The following LUZP2 variants were observed in gnomAD, a reference collection of about 807,000 sequenced individuals.
The protein encoded by LUZP2 is leucine zipper protein 2.
A neutral mutation model predicts 51.6 loss-of-function variants in LUZP2; 52 were observed. The observed-to-expected ratio is 1.01, with a 90% CI of 0.81 to 1.27. The LOEUF (loss-of-function observed/expected upper bound fraction) is 1.27, where lower values mean the gene tolerates loss of function less well. Among genes scored for constraint, LUZP2 ranks in the 50% most tolerant of loss-of-function variants. LUZP2 has a pLI of 0.00. For missense variants in LUZP2, 436 were observed against 395.4 expected (o/e 1.10, Z -0.87); for synonymous variants, 154 against 137.3 (o/e 1.12, Z -0.85).
intron 10 of LUZP2, among the ~76,000 whole-genome samples, chr11:25,054,158 G>A (rs1858609019): frequency 1.3e-5 from 2 of 152,148 alleles, no homozygotes; most frequent in Non-Finnish European, 2.9e-5. Flanking sequence ...TGGGGTGGTA[G>A]TTTTTCTGTA....
chr11:24,677,242 C>CTT, intron 1 of LUZP2, among the ~76,000 whole-genome samples: 1 of 152,124 alleles, frequency 6.6e-6, no homozygotes, highest in South Asian at 2.1e-4. Context: ...CACTTATAAT[C>CTT]CATCAAAATC....
At chr11:24,758,710 T>G (rs750947283) in intron 4 of LUZP2, among the ~76,000 whole-genome samples, 3 of 152,060 alleles carry the variant, frequency 2.0e-5, no homozygotes, top group Non-Finnish European at 4.4e-5. Context: ...ATTTTAGATT[T>G]AAGAGCAGAT....
intron 7 of LUZP2, among the ~76,000 whole-genome samples, chr11:24,926,501 A>ATGTGTGTGTATATACGTGTATATG (rs1854269305): frequency 7.4e-6 from 1 of 135,644 alleles, no homozygotes; most frequent in African/African-American, 2.8e-5. Flanking sequence ...ATGTGTATAT[A>ATGTGTGTGTATATACGTGTATATG]TGTGTGTGTA....
intron 7 of LUZP2, among the ~76,000 whole-genome samples, chr11:24,937,762 G>T (rs531482310): frequency 3.3e-5 from 5 of 152,140 alleles, no homozygotes; most frequent in Admixed American, 1.3e-4. Flanking sequence ...TTAGCCGGGC[G>T]TGGTGGCGGG....
rs78297047 is a variant in LUZP2, at chr11:24,542,232, C to A, written c.62+44927C>A. Among the ~76,000 whole-genome samples, 391 of 151,958 alleles carry A rather than the reference C, an allele frequency of 2.6e-3. 1 individual carries two copies. Among genetic ancestry groups the A allele is most frequent in the African/African-American group, 9.0e-3 (375 of 41,474 alleles). ...AGGAACTACAGTATTACTATCCTCA[C>A]CCCCCCATACACAAACCACGTGTTC... On this transcript the variant is annotated intron_variant, in intron 1 of 11. Coordinates refer to ENST00000336930, the MANE Select transcript of LUZP2 (RefSeq NM_001009909.4).
intron 9 of LUZP2, among the ~76,000 whole-genome samples, chr11:25,046,374 A>G (rs1175393832): frequency 6.6e-6 from 1 of 152,132 alleles, no homozygotes; most frequent in Non-Finnish European, 1.5e-5. Context: ...GCGGATGCAT[A>G]ATAAATATTT....
chr11:24,952,223 T>G (rs1414782852), intron 7 of LUZP2, among the ~76,000 whole-genome samples: 2 of 151,712 alleles, frequency 1.3e-5, no homozygotes, highest in Non-Finnish European at 1.5e-5. Flanking sequence ...ACCATCTATG[T>G]ATCGTGATCA....
At chr11:24,547,843 A>G (rs11028002) in intron 1 of LUZP2, among the ~76,000 whole-genome samples, 63,665 of 151,854 alleles carry the variant, frequency 0.42, 13,852 homozygotes, top group African/African-American at 0.51. Context: ...ATTCAGAATC[A>G]AAAGTAACTT....
intron 1 of LUZP2, among the ~76,000 whole-genome samples, chr11:24,522,421 G>T (rs139157099): frequency 1.2e-4 from 18 of 151,926 alleles, no homozygotes; most frequent in Admixed American, 9.2e-4. Context: ...GCAATGCAAA[G>T]ATATGAATAT....
intron 1 of LUZP2, among the ~76,000 whole-genome samples, chr11:24,511,179 A>G (rs1452599295): frequency 6.6e-6 from 1 of 152,114 alleles, no homozygotes; most frequent in Non-Finnish European, 1.5e-5. Flanking sequence ...CTGCTATGTA[A>G]GTTGATTCAG....
At chr11:24,851,576 TTTG>T (rs1311590053) in intron 5 of LUZP2, among the ~76,000 whole-genome samples, 1 of 152,112 alleles carries the variant, frequency 6.6e-6, no homozygotes, top group Non-Finnish European at 1.5e-5. Context: ...TTGTTTTTCT[TTTG>T]TTGTTGTTGT....
chr11:24,540,250 G>A (rs953308964), intron 1 of LUZP2, among the ~76,000 whole-genome samples: 1 of 152,068 alleles, frequency 6.6e-6, no homozygotes, highest in East Asian at 1.9e-4. Context: ...AAGTAGGGGA[G>A]TGAAGTGTTA....
chr11:24,513,811 T>A (rs1468005087), intron 1 of LUZP2, among the ~76,000 whole-genome samples: 1 of 152,198 alleles, frequency 6.6e-6, no homozygotes, highest in Non-Finnish European at 1.5e-5. Flanking sequence ...ACCTTTTGTC[T>A]CTCTTTGACC....
At chr11:24,901,065 A>G (rs965533041) in intron 5 of LUZP2, among the ~76,000 whole-genome samples, 1 of 152,140 alleles carries the variant, frequency 6.6e-6, no homozygotes, top group African/African-American at 2.4e-5. Context: ...CCAGATAAAA[A>G]CAAAACAGAA....
intron 6 of LUZP2, among the ~76,000 whole-genome samples, chr11:24,906,355 C>A (rs1351015657): frequency 1.3e-5 from 2 of 151,406 alleles, no homozygotes; most frequent in East Asian, 3.9e-4. Flanking sequence ...TACTGGGAGT[C>A]CATAAAATTT....
intron 10 of LUZP2, among the ~76,000 whole-genome samples, chr11:25,059,017 T>A (rs10437617): frequency 6.6e-6 from 1 of 152,012 alleles, no homozygotes; most frequent in Non-Finnish European, 1.5e-5. Context: ...TTATAAAAAT[T>A]TTGCTTGTTT....
rs1222853999 is a variant in LUZP2 at position 25,018,576 on chromosome 11, A to T, written c.766-31462A>T. On this transcript the variant is annotated intron_variant, in intron 9 of 11. Coordinates refer to ENST00000336930, the MANE Select transcript of LUZP2 (RefSeq NM_001009909.4). Reference sequence around the variant, plus strand: ...ACTTTTAGTCTTTGAGCTATAATATAATACTATCATTATTAATTCCTTTTT... The same window carrying T: ...ACTTTTAGTCTTTGAGCTATAATATTATACTATCATTATTAATTCCTTTTT... Among the ~76,000 whole-genome samples the T allele has an allele frequency of 2.0e-5, 3 of 150,656 alleles. No individual in the cohort carries two copies. In the East Asian group the frequency reaches 5.8e-4, roughly 29 times the overall value.
At chr11:24,700,371 C>G (rs542155418) in intron 1 of LUZP2, among the ~76,000 whole-genome samples, 6 of 152,194 alleles carry the variant, frequency 3.9e-5, no homozygotes, top group African/African-American at 1.4e-4. Context: ...GCTTATTTTC[C>G]TGAACTTTTT....
intron 9 of LUZP2, among the ~76,000 whole-genome samples, chr11:24,984,273 T>A (rs1182858661): frequency 6.6e-6 from 1 of 151,278 alleles, no homozygotes; most frequent in Non-Finnish European, 1.5e-5. Context: ...TTCTGAGATT[T>A]CCTATTTTTG....
Sources: allele counts gnomAD v4.1 joint callset (sites outside exome capture counted in the v4.1 genomes callset), GRCh38; gene constraint gnomAD v4.1.1; transcripts MANE v1.5; gene names NCBI Gene and HGNC (gene_info 2026-07-23, HGNC 2026-07-21).